RBFOX1: variants seen among roughly 807,000 people sequenced by gnomAD.
RBFOX1 encodes the protein RNA binding fox-1 homolog 1.
In RBFOX1, 8 loss-of-function variants were observed where a neutral mutation model predicts 57.7. The observed-to-expected ratio is 0.14, with a 90% CI of 0.08 to 0.25. The LOEUF (loss-of-function observed/expected upper bound fraction) is 0.25, where lower values mean the gene tolerates loss of function less well. Ranked by LOEUF, RBFOX1 falls within the 10% of genes least tolerant of loss-of-function variation. The pLI is 1.00. For missense variants in RBFOX1, 611 were observed against 548.5 expected, an observed-to-expected ratio of 1.11 and a Z score of -1.14; for synonymous variants, 326 against 222.4, an observed-to-expected ratio of 1.47 and a Z score of -4.15.
chr16:5,710,789 G>C (rs1201483375), intron 3 of RBFOX1, among the ~76,000 whole-genome samples: 1 of 152,110 alleles, frequency 6.6e-6, no homozygotes, highest in Non-Finnish European at 1.5e-5. Flanking sequence ...GCGTTTTCTG[G>C]GCTTGTTGGC....
chr16:5,713,944 A>G (rs1336414202), intron 3 of RBFOX1, among the ~76,000 whole-genome samples: 1 of 152,102 alleles, frequency 6.6e-6, no homozygotes, highest in East Asian at 1.9e-4. Context: ...GACGTGGGAG[A>G]TGTTCTAACA....
chr16:6,722,254 C>T (rs985355175), intron 3 of RBFOX1, among the ~76,000 whole-genome samples: 2 of 152,220 alleles, frequency 1.3e-5, no homozygotes, highest in South Asian at 2.1e-4. Flanking sequence ...AACCGTTTTG[C>T]ATTTCCACCC....
At chr16:5,351,337 A>G (rs2065258647) in intron 1 of RBFOX1, among the ~76,000 whole-genome samples, 1 of 152,214 alleles carries the variant, frequency 6.6e-6, no homozygotes, top group South Asian at 2.1e-4. Flanking sequence ...TCTAGAAGGT[A>G]GATACATTCA....
chr16:7,411,431 G>A (rs9922945), intron 4 of RBFOX1, among the ~76,000 whole-genome samples: 54,324 of 151,988 alleles, frequency 0.36, 10,329 homozygotes, highest in East Asian at 0.6. Context: ...GAGGAGACAG[G>A]GCCCTAACAG....
intron 4 of RBFOX1, among the ~76,000 whole-genome samples, chr16:7,444,546 T>A (rs1218298533): frequency 6.6e-6 from 1 of 152,144 alleles, no homozygotes; most frequent in Non-Finnish European, 1.5e-5. Flanking sequence ...GTAGCCTTTT[T>A]TTTTGAGACA....
At chr16:7,040,468 T>C (rs1409035370) in intron 3 of RBFOX1, among the ~76,000 whole-genome samples, 1 of 152,200 alleles carries the variant, frequency 6.6e-6, no homozygotes, top group Non-Finnish European at 1.5e-5. Flanking sequence ...GCTCTTAGTA[T>C]GAATTTATAA....
At chr16:6,230,800 C>G (rs531611700) in intron 1 of RBFOX1, among the ~76,000 whole-genome samples, 1 of 152,144 alleles carries the variant, frequency 6.6e-6, no homozygotes. Flanking sequence ...GATATGGATA[C>G]GCATAGTACA....
At chr16:6,492,738 G>T (rs1057435124) in intron 2 of RBFOX1, among the ~76,000 whole-genome samples, 3 of 152,202 alleles carry the variant, frequency 2.0e-5, no homozygotes, top group East Asian at 1.9e-4. Context: ...CCTAAGTAGG[G>T]TGATTGGAGG....
intron 2 of RBFOX1, among the ~76,000 whole-genome samples, chr16:5,474,416 G>T (rs1438066050): frequency 6.6e-6 from 1 of 152,210 alleles, no homozygotes; most frequent in African/African-American, 2.4e-5. Flanking sequence ...CACTTTGGGA[G>T]GCCGAGGTGG....
chr16:7,224,512 C>A (rs1342919512), intron 4 of RBFOX1, among the ~76,000 whole-genome samples: 3 of 136,254 alleles, frequency 2.2e-5, no homozygotes, highest in Non-Finnish European at 3.2e-5. Context: ...CTGGGACCTG[C>A]CCCTCAGTGC....
At chr16:6,715,129 G>C (rs2064522364) in intron 3 of RBFOX1, among the ~76,000 whole-genome samples, 2 of 152,112 alleles carry the variant, frequency 1.3e-5, no homozygotes, top group African/African-American at 4.8e-5. Context: ...TGCCACTTGG[G>C]ACTAAGCCAC....
rs571303696 is a variant in RBFOX1, at chr16:7,273,644, G to GA, written c.27+221549dup. On this transcript the variant is annotated intron_variant, in intron 4 of 15. Transcript: ENST00000550418. ...TGACAATGAATGAGAAAATGTAAGA[G>GA]AAACTGCCTTTCGAATTGGGAAGCT... Among the ~76,000 whole-genome samples the GA allele has an allele frequency of 3.0e-3, 451 of 152,306 alleles. 1 individual carries two copies. Among genetic ancestry groups the GA allele is most frequent in the African/African-American group, 0.01 (428 of 41,566 alleles).
At chr16:6,264,231 C>G (rs1391535475) in intron 1 of RBFOX1, among the ~76,000 whole-genome samples, 2 of 152,082 alleles carry the variant, frequency 1.3e-5, no homozygotes, top group African/African-American at 4.8e-5. Context: ...AATTTTGCAG[C>G]TTCCTGTCAT....
intron 4 of RBFOX1, among the ~76,000 whole-genome samples, chr16:5,938,473 A>T (rs2059212448): frequency 6.6e-6 from 1 of 152,142 alleles, no homozygotes; most frequent in Non-Finnish European, 1.5e-5. Flanking sequence ...TTTAAAATAA[A>T]CTCAGTCTCC....
At chr16:5,733,278 C>T (rs977960420) in intron 3 of RBFOX1, among the ~76,000 whole-genome samples, 5 of 152,158 alleles carry the variant, frequency 3.3e-5, no homozygotes, top group African/African-American at 9.7e-5. Flanking sequence ...CTTCTGAGCA[C>T]CACTGACTTC....
chr16:6,666,290 T>G (rs1012130752), intron 3 of RBFOX1, among the ~76,000 whole-genome samples: 1 of 152,040 alleles, frequency 6.6e-6, no homozygotes, highest in Admixed American at 6.5e-5. Flanking sequence ...TCCCAGCACT[T>G]TGGGAGGCTT....
chr16:6,526,521 T>C (rs1347244838), intron 2 of RBFOX1, among the ~76,000 whole-genome samples: 1 of 152,054 alleles, frequency 6.6e-6, no homozygotes, highest in Non-Finnish European at 1.5e-5. Context: ...CAATATCTCA[T>C]TTAATTCTTA....
rs116550801 is a variant in RBFOX1 at position 7,057,131 on chromosome 16, C to A, written c.27+5033C>A. Among the ~76,000 whole-genome samples the A allele has an allele frequency of 6.6e-3, 1,005 of 152,082 alleles. 12 individuals carry two copies. Among genetic ancestry groups the A allele is most frequent in the African/African-American group, 0.023 (950 of 41,456 alleles). ...TCACTTCTCTTCCTCCTAGAAATAC[C>A]AGGCATGAGAATACAGAGAACACAT... On this transcript the variant is annotated intron_variant, in intron 4 of 15. Coordinates refer to ENST00000550418, the MANE Select transcript of RBFOX1 (RefSeq NM_018723.4).
chr16:7,114,070 A>G (rs2065353247), intron 4 of RBFOX1, among the ~76,000 whole-genome samples: 1 of 152,170 alleles, frequency 6.6e-6, no homozygotes, highest in Admixed American at 6.6e-5. Context: ...ATATTTGGCA[A>G]AATTTTCTCT....
Sources: allele counts gnomAD v4.1 joint callset (sites outside exome capture counted in the v4.1 genomes callset), GRCh38; gene constraint gnomAD v4.1.1; transcripts MANE v1.5; gene names NCBI Gene and HGNC (gene_info 2026-07-23, HGNC 2026-07-21).